KIAA1328: variants seen among roughly 807,000 people sequenced by gnomAD.
The protein encoded by KIAA1328 is protein hinderin.
Under a neutral mutation model 68.1 loss-of-function variants are expected in KIAA1328, and 52 were observed. The ratio of observed to expected loss-of-function variants is 0.76; its 90% CI spans 0.61 to 0.96. KIAA1328 has a LOEUF of 0.96. Among genes scored for constraint, KIAA1328 ranks in the 40% least tolerant of loss-of-function variants. The probability of loss-of-function intolerance (pLI) is 0.00; values close to 1 mark genes in which losing one functional copy is unlikely to be tolerated. For synonymous variants in KIAA1328, 232 were observed against 239.4 expected (o/e 0.97, Z 0.28); for missense variants, 641 against 677.6 (o/e 0.95, Z 0.60).
At chr18:36,896,601 G>A (rs148964236) in intron 5 of KIAA1328, among the ~76,000 whole-genome samples, 27 of 152,210 alleles carry the variant, frequency 1.8e-4, no homozygotes, top group Non-Finnish European at 3.4e-4. Flanking sequence ...ACATTTATTT[G>A]CTGCATCTTT....
intron 9 of KIAA1328, among the ~76,000 whole-genome samples, chr18:37,189,470 T>A (rs2059863799): frequency 6.6e-6 from 1 of 152,188 alleles, no homozygotes; most frequent in Non-Finnish European, 1.5e-5. Flanking sequence ...AGTATAGAAT[T>A]CAAATTATAA....
In KIAA1328 at chr18:37,019,408, GA is replaced by G. The variant is rs1461357331; in HGVS notation, c.577-47480del. ...GCCTTAGGCAATGAGCTGGTTCATG[GA>G]ATGCACAGTGGTGTGAGCTCCCTGA... On this transcript the variant is annotated intron_variant, in intron 6 of 9. Transcript: ENST00000280020. 2.6e-5 allele frequency among the ~76,000 whole-genome samples: 4 copies of G among 152,330 alleles called. No homozygotes were observed. The East Asian group carries it at 7.7e-4, about 29-fold the overall frequency.
intron 5 of KIAA1328, among the ~76,000 whole-genome samples, chr18:36,953,851 G>C (rs1347898933): frequency 6.6e-6 from 1 of 151,884 alleles, no homozygotes; most frequent in Non-Finnish European, 1.5e-5. Flanking sequence ...GTGCTTCATG[G>C]GTTGCATTTG....
intron 6 of KIAA1328, among the ~76,000 whole-genome samples, chr18:36,991,120 AAAGGT>A (rs2053160276): frequency 6.6e-6 from 1 of 152,230 alleles, no homozygotes; most frequent in African/African-American, 2.4e-5. Flanking sequence ...TTTGAAAAAC[AAAGGT>A]TAAGGAAAAT....
chr18:36,980,586 C>T lies in KIAA1328; in HGVS notation c.576+21151C>T, dbSNP rs185899802. On this transcript the variant is annotated intron_variant, in intron 6 of 9. Transcript: ENST00000280020. ...TTAGAATATCTGGTGATTTTTTTAC[C>T]GGCCTAAGTGAAGTGAAAGGAAGTA... is the stretch of plus-strand genomic sequence containing the variant. 2.2e-3 allele frequency among the ~76,000 whole-genome samples: 328 copies of T among 152,112 alleles called. 1 individual carries two copies. The highest frequency in any genetic ancestry group is 7.4e-3 in the African/African-American group (308 of 41,476).
intron 5 of KIAA1328, among the ~76,000 whole-genome samples, chr18:36,953,996 T>TTTC (rs1491566484): frequency 2.7e-4 from 6 of 21,924 alleles, no homozygotes; most frequent in African/African-American, 3.3e-4. Context: ...TGATTGTTTC[T>TTTC]TTTTTTTTTT....
chr18:37,017,101 C>T (rs897326303), intron 6 of KIAA1328, among the ~76,000 whole-genome samples: 10 of 151,922 alleles, frequency 6.6e-5, no homozygotes, highest in Non-Finnish European at 1.3e-4. Context: ...AGGTCATTTA[C>T]GACTTTAAAC....
chr18:37,049,935 T>A (rs2055623416), intron 6 of KIAA1328, among the ~76,000 whole-genome samples: 1 of 152,216 alleles, frequency 6.6e-6, no homozygotes, highest in Admixed American at 6.5e-5. Flanking sequence ...CAATATAAAC[T>A]CTGATCTCCC....
intron 6 of KIAA1328, among the ~76,000 whole-genome samples, chr18:37,000,562 A>G (rs1350260943): frequency 1.3e-5 from 2 of 152,130 alleles, no homozygotes; most frequent in Non-Finnish European, 2.9e-5. Flanking sequence ...TCATCAGCAC[A>G]AGGACCATTC....
chr18:36,963,024 T>C (rs980272856), intron 6 of KIAA1328, among the ~76,000 whole-genome samples: 4 of 152,162 alleles, frequency 2.6e-5, no homozygotes, highest in Non-Finnish European at 4.4e-5. Context: ...AATCAATGAA[T>C]CCAGGAGCTG....
At position 37,067,558 on chromosome 18, in the gene KIAA1328, TG is replaced by T; in HGVS notation, c.1232+14del. ...TGGATTACAATTGGTGAGTACTGCC[TG>T]TTCTTTTTTTTTTTTTTTTGAGACG... On this transcript the variant is annotated intron_variant, in intron 7 of 9. Coordinates refer to ENST00000280020, the MANE Select transcript of KIAA1328 (RefSeq NM_020776.3). 6.9e-7 allele frequency: 1 copy of T among 1,450,594 alleles called. No individual in the cohort carries two copies. Among genetic ancestry groups the T allele is most frequent in the South Asian group, 1.4e-5 (1 of 69,830 alleles). The allele number at this position is 1,450,594 out of a possible 1,614,324, so 89.9% of individuals were successfully genotyped here.
At chr18:37,028,450 A>C (rs1353195984) in intron 6 of KIAA1328, among the ~76,000 whole-genome samples, 2 of 151,892 alleles carry the variant, frequency 1.3e-5, no homozygotes, top group Non-Finnish European at 2.9e-5. Context: ...GATTTTCTAG[A>C]TATAAAAACA....
chr18:37,039,572 C>A (rs2055163548), intron 6 of KIAA1328, among the ~76,000 whole-genome samples: 1 of 151,950 alleles, frequency 6.6e-6, no homozygotes, highest in East Asian at 1.9e-4. Flanking sequence ...GCCACCACGC[C>A]CAGCTAATTT....
intron 5 of KIAA1328, among the ~76,000 whole-genome samples, chr18:36,941,851 GACCCCA>G (rs2050724323): frequency 6.6e-6 from 1 of 151,802 alleles, no homozygotes; most frequent in Non-Finnish European, 1.5e-5. Context: ...CATTACTAAA[GACCCCA>G]GGAAGCTTAT....
At chr18:37,112,786 A>G (rs1280478165) in intron 7 of KIAA1328, among the ~76,000 whole-genome samples, 1 of 152,188 alleles carries the variant, frequency 6.6e-6, no homozygotes, top group Admixed American at 6.5e-5. Flanking sequence ...GTGGCTAACT[A>G]GAATAAACAG....
At chr18:36,973,744 A>G (rs927277924) in intron 6 of KIAA1328, among the ~76,000 whole-genome samples, 2 of 151,604 alleles carry the variant, frequency 1.3e-5, no homozygotes, top group East Asian at 1.9e-4. Context: ...TCTTCCAGTT[A>G]GTGGTTTCTG....
chr18:36,873,768 C>G (rs145663179), intron 4 of KIAA1328, among the ~76,000 whole-genome samples: 1 of 152,162 alleles, frequency 6.6e-6, no homozygotes, highest in African/African-American at 2.4e-5. Context: ...ATACATGTGC[C>G]GTGGTGGTTT....
At chr18:37,197,081 AT>A (rs1215255068) in intron 9 of KIAA1328, among the ~76,000 whole-genome samples, 1 of 151,998 alleles carries the variant, frequency 6.6e-6, no homozygotes, top group Non-Finnish European at 1.5e-5. Flanking sequence ...ATAGTCATTC[AT>A]AATTGTTTGT....
At chr18:37,009,527 T>A (rs1410116604) in intron 6 of KIAA1328, among the ~76,000 whole-genome samples, 1 of 152,180 alleles carries the variant, frequency 6.6e-6, no homozygotes, top group African/African-American at 2.4e-5. Context: ...AATTTGGCAA[T>A]ATCTGGAGAT....
Sources: gnomAD v4.1 joint callset for allele counts (sites outside exome capture counted in the v4.1 genomes callset) on GRCh38, gnomAD v4.1.1 for gene constraint, MANE v1.5 for transcripts, NCBI Gene and HGNC (gene_info 2026-07-23, HGNC 2026-07-21) for gene names.